PLCXD3: variants seen among roughly 807,000 people sequenced by gnomAD.
PLCXD3 encodes phosphatidylinositol specific phospholipase C X domain containing 3.
In PLCXD3, 19 loss-of-function variants were observed where a neutral mutation model predicts 25.5. The ratio of observed to expected loss-of-function variants is 0.75; its 90% CI spans 0.52 to 1.09. PLCXD3 has a LOEUF of 1.09. Ranked by LOEUF, PLCXD3 falls within the 50% of genes least tolerant of loss-of-function variation. The pLI, the probability that PLCXD3 is intolerant of heterozygous loss-of-function variation, is 0.00. For missense variants in PLCXD3, 411 were observed against 388.1 expected (o/e 1.06, Z -0.50); for synonymous variants, 174 against 137.6 (o/e 1.26, Z -1.85).
intron 1 of PLCXD3, among the ~76,000 whole-genome samples, chr5:41,491,137 T>C (rs1030026440): frequency 6.6e-6 from 1 of 152,344 alleles, no homozygotes; most frequent in African/African-American, 2.4e-5. Context: ...ATGTTGTGTC[T>C]TTGTTCTCAT....
At chr5:41,317,725 A>G (rs574816779) in intron 2 of PLCXD3, among the ~76,000 whole-genome samples, 35 of 152,158 alleles carry the variant, frequency 2.3e-4, no homozygotes, top group Middle Eastern at 3.4e-3. Flanking sequence ...TGTAATTGGT[A>G]TACTAAAGAA....
rs117260018 is a variant in PLCXD3 at position 41,342,804 on chromosome 5, A to G, written c.813-29034T>C. ...CAAAAGTTAAAAACTATAAGAATTT[A>G]TAACATACTTAGCTATTTTAATAAG... On this transcript the variant is annotated intron_variant, in intron 2 of 2. Coordinates refer to ENST00000377801, the MANE Select transcript of PLCXD3 (RefSeq NM_001005473.3). Among the ~76,000 whole-genome samples, 71 of 152,308 alleles carry G rather than the reference A, an allele frequency of 4.7e-4. No homozygotes were observed. In the East Asian group the frequency reaches 0.01, roughly 22 times the overall value.
At chr5:41,362,979 T>C (rs1404086093) in intron 2 of PLCXD3, among the ~76,000 whole-genome samples, 1 of 151,654 alleles carries the variant, frequency 6.6e-6, no homozygotes, top group Non-Finnish European at 1.5e-5. Context: ...TATGATCAGA[T>C]TTTTTTTTAC....
At chr5:41,459,009 C>T (rs1747815182) in intron 1 of PLCXD3, among the ~76,000 whole-genome samples, 1 of 151,806 alleles carries the variant, frequency 6.6e-6, no homozygotes, top group Non-Finnish European at 1.5e-5. Flanking sequence ...TTTAGACATT[C>T]CTATAGAATA....
At chr5:41,328,431 T>A (rs1215601493) in intron 2 of PLCXD3, among the ~76,000 whole-genome samples, 1 of 152,184 alleles carries the variant, frequency 6.6e-6, no homozygotes, top group Non-Finnish European at 1.5e-5. Context: ...GATAATAACG[T>A]CCTGGTGCTG....
In PLCXD3 at chr5:41,381,816, AG is replaced by A. The variant is rs1745469624; in HGVS notation, c.812+9del. The A allele has an allele frequency of 5.7e-6, 9 of 1,582,562 alleles. No individual in the cohort carries two copies. Among genetic ancestry groups the A allele is most frequent in the Non-Finnish European group, 7.7e-6 (9 of 1,166,122 alleles). Reference sequence around the variant, plus strand: ...TTGAGGTTTCCCCCTGACATTTTAAAGACACTTACCTTTCTGTGATTGTTTC... The same window carrying A: ...TTGAGGTTTCCCCCTGACATTTTAAAACACTTACCTTTCTGTGATTGTTTC... On this transcript the variant is annotated intron_variant, in intron 2 of 2. Transcript: ENST00000377801.
chr5:41,330,945 T>C (rs200369913), intron 2 of PLCXD3, among the ~76,000 whole-genome samples: 11,129 of 152,224 alleles, frequency 0.073, 714 homozygotes, highest in East Asian at 0.34. Context: ...GGGATGTATC[T>C]CAAAATAATA....
intron 1 of PLCXD3, among the ~76,000 whole-genome samples, chr5:41,441,406 C>T (rs1245340674): frequency 2.0e-5 from 3 of 152,136 alleles, no homozygotes; most frequent in Admixed American, 6.5e-5. Flanking sequence ...ATTGGGAATA[C>T]GTTCGTTCTG....
At chr5:41,453,777 T>C (rs1747690747) in intron 1 of PLCXD3, among the ~76,000 whole-genome samples, 1 of 151,946 alleles carries the variant, frequency 6.6e-6, no homozygotes, top group Admixed American at 6.6e-5. Flanking sequence ...AATAAATTCA[T>C]GCACTGGAAA....
rs530384497 is a variant in PLCXD3 at position 41,446,281 on chromosome 5, C to T, written c.104-63747G>A. On this transcript the variant is annotated intron_variant, in intron 1 of 2. Coordinates refer to ENST00000377801, the MANE Select transcript of PLCXD3 (RefSeq NM_001005473.3). ...AGTATTGTTGCTTGGCTCCTTCCTA[C>T]CAGGGAATTTTCATCCAGAGGCTGT... Among the ~76,000 whole-genome samples, 66 of 150,872 alleles carry T rather than the reference C, an allele frequency of 4.4e-4. No individual in the cohort carries two copies. The South Asian group carries it at 0.013, about 30-fold the overall frequency.
At chr5:41,361,359 G>A (rs180722477) in intron 2 of PLCXD3, among the ~76,000 whole-genome samples, 4 of 152,168 alleles carry the variant, frequency 2.6e-5, no homozygotes, top group South Asian at 2.1e-4. Context: ...AGGCAGACCC[G>A]CAGTTTTTTG....
intron 1 of PLCXD3, among the ~76,000 whole-genome samples, chr5:41,458,725 G>A (rs1459840618): frequency 6.6e-6 from 1 of 151,880 alleles, no homozygotes; most frequent in Non-Finnish European, 1.5e-5. Flanking sequence ...CAGAAGAAAT[G>A]AGCTGAAATG....
intron 1 of PLCXD3, among the ~76,000 whole-genome samples, chr5:41,458,957 A>G (rs1217796215): frequency 6.6e-6 from 1 of 151,950 alleles, no homozygotes; most frequent in Non-Finnish European, 1.5e-5. Context: ...TTCTTAGAGT[A>G]TCTATTCCTA....
chr5:41,349,767 G>T (rs961095871), intron 2 of PLCXD3, among the ~76,000 whole-genome samples: 6 of 152,152 alleles, frequency 3.9e-5, no homozygotes, highest in Non-Finnish European at 1.5e-5. Context: ...CAACACAATT[G>T]CATGCATCAC....
intron 2 of PLCXD3, among the ~76,000 whole-genome samples, chr5:41,329,669 T>C (rs1442337751): frequency 2.6e-5 from 4 of 151,808 alleles, no homozygotes; most frequent in African/African-American, 9.7e-5. Context: ...GAAAGGTGCC[T>C]TTCCTTGTGT....
chr5:41,473,164 A>C (rs1258503763), intron 1 of PLCXD3, among the ~76,000 whole-genome samples: 1 of 152,188 alleles, frequency 6.6e-6, no homozygotes, highest in Non-Finnish European at 1.5e-5. Flanking sequence ...TTAGCATCTA[A>C]ATTAGCCACC....
chr5:41,486,954 TG>T (rs1403416697), intron 1 of PLCXD3, among the ~76,000 whole-genome samples: 1 of 152,152 alleles, frequency 6.6e-6, no homozygotes, highest in East Asian at 1.9e-4. Flanking sequence ...GTTTTACAGA[TG>T]TAACACCTGA....
intron 2 of PLCXD3, among the ~76,000 whole-genome samples, chr5:41,328,590 A>G (rs1472507325): frequency 6.6e-6 from 1 of 152,124 alleles, no homozygotes; most frequent in African/African-American, 2.4e-5. Context: ...CAAATTTGGC[A>G]TGTGAGGTCT....
At chr5:41,341,406 C>T (rs1443566769) in intron 2 of PLCXD3, among the ~76,000 whole-genome samples, 3 of 152,248 alleles carry the variant, frequency 2.0e-5, no homozygotes, top group Admixed American at 2.0e-4. Flanking sequence ...CATCATTCTA[C>T]CTCATGATTA....
Sources: allele counts gnomAD v4.1 joint callset (sites outside exome capture counted in the v4.1 genomes callset), GRCh38; gene constraint gnomAD v4.1.1; transcripts MANE v1.5; gene names NCBI Gene and HGNC (gene_info 2026-07-23, HGNC 2026-07-21).